The following ACSBG2 variants were observed in gnomAD, a reference collection of about 807,000 sequenced individuals.
ACSBG2 encodes the protein long-chain-fatty-acid--CoA ligase ACSBG2.
In ACSBG2, 62 loss-of-function variants were observed where a neutral mutation model predicts 74.7. The observed-to-expected ratio is 0.83, with a 90% CI of 0.68 to 1.03. The LOEUF is 1.03. Among genes scored for constraint, ACSBG2 ranks in the 50% least tolerant of loss-of-function variants. ACSBG2 has a pLI of 0.00. For synonymous variants in ACSBG2, 309 were observed against 294.1 expected, an observed-to-expected ratio of 1.05 and a Z score of -0.52; for missense variants, 730 against 817.6, an observed-to-expected ratio of 0.89 and a Z score of 1.31.
chr19:6,149,691 A>G (rs1035945141), intron 3 of ACSBG2, among the ~76,000 whole-genome samples: 2 of 152,012 alleles, frequency 1.3e-5, no homozygotes, highest in African/African-American at 4.8e-5. Context: ...TATATTTAGT[A>G]GAGACGGGGT....
Position 6,174,039 on chromosome 19 carries a change from C to T in ACSBG2, c.739-3190C>T, listed in dbSNP as rs2090033116. Among the ~76,000 whole-genome samples, 1 of 151,454 alleles carries T rather than the reference C, an allele frequency of 6.6e-6. No homozygotes were observed. Among genetic ancestry groups the T allele is most frequent in the East Asian group, 1.9e-4 (1 of 5,166 alleles). Reference sequence around the variant, plus strand: ...GCAACCTCTGCCTCCCAATTTCAAGCGATTCCCCCACCTCAGCCTCCTGAG... The same window carrying T: ...GCAACCTCTGCCTCCCAATTTCAAGTGATTCCCCCACCTCAGCCTCCTGAG... On this transcript the variant is annotated intron_variant, in intron 7 of 14. Transcript: ENST00000588485. This position sits in a 1 kb window ranked among gnomAD's most constrained non-coding sequence, Gnocchi z 4.2.
intron 1 of ACSBG2, 23 bp from the exon 2 acceptor site, chr19:6,141,490 C>A: frequency 8.0e-7 from 1 of 1,242,800 alleles, no homozygotes; most frequent in Non-Finnish European, 1.2e-6. Flanking sequence ...TCCTGTTAAA[C>A]TCCCTGCTTT....
chr19:6,182,840 G>GA lies in ACSBG2; in HGVS notation c.1001dup (p.Asn334LysfsTer2), dbSNP rs2090298033. On this transcript the variant is annotated frameshift_variant, in exon 9 of 15. Coordinates refer to ENST00000588485, the MANE Select transcript of ACSBG2 (RefSeq NM_030924.5). LOFTEE classifies it high-confidence loss of function. The stretch of plus-strand genomic sequence containing the variant: ...GGGAGAAGATACATGAGATGGTGAA[G>GA]AAAAATAGTGCCAAGTCCATGGGCT... 3.1e-6 allele frequency: 5 copies of GA among 1,614,186 alleles called. No homozygotes were observed. The East Asian group carries it at 6.7e-5, about 22-fold the overall frequency.
intron 4 of ACSBG2, among the ~76,000 whole-genome samples, chr19:6,154,653 A>T (rs1269110566): frequency 6.6e-6 from 1 of 151,714 alleles, no homozygotes; most frequent in Non-Finnish European, 1.5e-5. Flanking sequence ...CTGGGACTAC[A>T]GGCGTGCGCC....
intron 7 of ACSBG2, among the ~76,000 whole-genome samples, chr19:6,171,400 G>A (rs8108969): frequency 0.1 from 15,901 of 151,738 alleles, 1,653 homozygotes; most frequent in African/African-American, 0.27. Flanking sequence ...ATTTCTTTTC[G>A]GGCTGATCTA....
intron 3 of ACSBG2, among the ~76,000 whole-genome samples, chr19:6,150,266 C>A (rs1030855796): frequency 6.9e-6 from 1 of 145,652 alleles, no homozygotes; most frequent in Non-Finnish European, 1.5e-5. Flanking sequence ...AAAAGTCTGG[C>A]GATTTCTAAA....
chr19:6,185,577 TG>T lies in ACSBG2; in HGVS notation c.1465del (p.Glu489LysfsTer57), dbSNP rs767696719. 1.2e-6 allele frequency: 2 copies of T among 1,614,084 alleles called. No homozygotes were observed. Among genetic ancestry groups the T allele is most frequent in the Non-Finnish European group, 1.7e-6 (2 of 1,180,044 alleles). On this transcript the variant is annotated frameshift_variant, in exon 11 of 15. Transcript: ENST00000588485. LOFTEE classifies it high-confidence loss of function. ...ETETTEAIDD[E>X]GWLHSGDLGQ... ...CTGAAACTACAGAGGCCATCGATGA[TG>T]AAGGCTGGCTACACTCTGGGGATCT...
At chr19:6,150,027 G>C (rs1343845334) in intron 3 of ACSBG2, among the ~76,000 whole-genome samples, 1 of 151,894 alleles carries the variant, frequency 6.6e-6, no homozygotes, top group African/African-American at 2.4e-5. Flanking sequence ...TGGAGCCTGG[G>C]AAGTTGAAGC....
chr19:6,160,104 G>A (rs1412314421), intron 5 of ACSBG2, among the ~76,000 whole-genome samples: 5 of 151,934 alleles, frequency 3.3e-5, no homozygotes, highest in East Asian at 1.9e-4. Context: ...TAAAAATCTC[G>A]CAGGGGCCGG....
In ACSBG2 at chr19:6,183,203, A is replaced by G. The variant is rs1260160537; in HGVS notation, c.1253A>G (p.Glu418Gly). 2 of 1,614,070 alleles carry G rather than the reference A, an allele frequency of 1.2e-6. No homozygotes were observed. The highest frequency in any genetic ancestry group is 1.7e-6 in the Non-Finnish European group (2 of 1,180,034). ...CTAAGCTTGGACATACCTATAGGCGAGTTGTATGGGTTGAGTGAGAGCTCG... is the reference window on the plus strand; with the variant it reads ...CTAAGCTTGGACATACCTATAGGCGGGTTGTATGGGTTGAGTGAGAGCTCG... ...FFLSLDIPIG[E>G]LYGLSESSGP... Residue 418 changes from glutamate (E) to glycine (G), a missense_variant, in exon 10 of 15, where the codon GAG becomes GGG. Physicochemically the swap from Glu to Gly is moderately conservative, Grantham distance 98. Transcript: ENST00000588485.
Position 6,179,293 on chromosome 19 carries a change from A to ATTTTT in ACSBG2, c.906+1916_906+1920dup, listed in dbSNP as rs1169472742. 6.7e-5 allele frequency among the ~76,000 whole-genome samples: 8 copies of ATTTTT among 118,600 alleles called. 1 individual carries two copies. Among genetic ancestry groups the ATTTTT allele is most frequent in the African/African-American group, 2.5e-4 (8 of 32,238 alleles). The allele number at this position is 118,600 out of a possible 152,430, so 77.8% of individuals were successfully genotyped here. ...AAGAACACTTTGATTTCTTTTCTAA[A>ATTTTT]TTTTTTTTTTTTTTTTTTTTTTTAG... On this transcript the variant is annotated intron_variant, in intron 8 of 14. Transcript: ENST00000588485.
intron 5 of ACSBG2, among the ~76,000 whole-genome samples, chr19:6,157,738 A>T (rs2089472058): frequency 6.6e-6 from 1 of 152,068 alleles, no homozygotes. Flanking sequence ...CTTAAGTAAA[A>T]GTATTAATAT....
intron 4 of ACSBG2, among the ~76,000 whole-genome samples, chr19:6,152,197 T>C (rs1301604487): frequency 6.6e-6 from 1 of 152,010 alleles, no homozygotes; most frequent in Non-Finnish European, 1.5e-5. Context: ...TGGGCAGCCT[T>C]GAAGTCTTGG....
chr19:6,184,502 A>G (rs1308230842), intron 10 of ACSBG2, among the ~76,000 whole-genome samples: 1 of 151,786 alleles, frequency 6.6e-6, no homozygotes, highest in Non-Finnish European at 1.5e-5. Context: ...CCTACATTTA[A>G]CCCTGGGACC....
intron 8 of ACSBG2, 80 bp downstream of exon 8, chr19:6,177,476 A>G (rs2090119040): frequency 4.8e-6 from 7 of 1,458,754 alleles, no homozygotes; most frequent in Non-Finnish European, 6.4e-6. Context: ...TAATCATTCG[A>G]CAGATTTTTT....
In ACSBG2 at chr19:6,183,183, C is replaced by T. The variant is rs2090310296; in HGVS notation, c.1233C>T (p.Ser411=). The change falls in exon 10 of 15, where the codon AGC becomes AGT. Residue 411 remains serine, a synonymous_variant. Coordinates refer to ENST00000588485, the MANE Select transcript of ACSBG2 (RefSeq NM_030924.5). ...LNQETAEFFL[S]LDIPIGELYG... ...AAGAGACTGCCGAGTTCTTTCTAAGCTTGGACATACCTATAGGCGAGTTGT... is the reference window on the plus strand; with the variant it reads ...AAGAGACTGCCGAGTTCTTTCTAAGTTTGGACATACCTATAGGCGAGTTGT... The T allele has an allele frequency of 2.5e-6, 4 of 1,614,100 alleles. No homozygotes were observed. The African/African-American group carries it at 4.0e-5, about 16-fold the overall frequency.
intron 7 of ACSBG2, among the ~76,000 whole-genome samples, chr19:6,172,919 T>C (rs2089998943): frequency 6.6e-6 from 1 of 152,144 alleles, no homozygotes; most frequent in African/African-American, 2.4e-5. Context: ...CCAGCAGGAA[T>C]GCAGTCCGCT....
intron 8 of ACSBG2, among the ~76,000 whole-genome samples, chr19:6,181,156 A>G (rs1234544797): frequency 6.7e-6 from 1 of 150,120 alleles, no homozygotes; most frequent in Non-Finnish European, 1.5e-5. Flanking sequence ...CCTGGGAGGC[A>G]AAGGCTGCAG....
chr19:6,175,282 T>C (rs2090062451), intron 7 of ACSBG2: 1 of 152,182 alleles, frequency 6.6e-6, no homozygotes, highest in Non-Finnish European at 1.5e-5. Flanking sequence ...ATTTCCTCAT[T>C]CATTCAAGAA....
Sources: gnomAD v4.1 joint callset for allele counts (sites outside exome capture counted in the v4.1 genomes callset) on GRCh38, gnomAD v4.1.1 for gene constraint, Gnocchi (gnomAD v3.1) non-coding constraint, MANE v1.5 for transcripts, NCBI Gene and HGNC (gene_info 2026-07-23, HGNC 2026-07-21) for gene names.